RTTN: variants seen among roughly 807,000 people sequenced by gnomAD.
RTTN encodes rotatin.
In RTTN, 182 loss-of-function variants were observed where a neutral mutation model predicts 269.2. The observed-to-expected ratio is 0.68, with a 90% confidence interval of 0.60 to 0.76. The LOEUF (loss-of-function observed/expected upper bound fraction) is 0.76. Among genes scored for constraint, RTTN ranks in the 30% least tolerant of loss-of-function variants. The pLI is 0.00. For missense variants in RTTN, 2,545 were observed against 2,608.6 expected, an observed-to-expected ratio of 0.98 and a Z score of 0.53; for synonymous variants, 1,006 against 963.5, an observed-to-expected ratio of 1.04 and a Z score of -0.82.
rs2059919363 is a variant in RTTN, at chr18:70,128,408, A to G, written c.3093T>C (p.His1031=). 6.2e-7 allele frequency: 1 copy of G among 1,613,084 alleles called. No homozygotes were observed. Among genetic ancestry groups the G allele is most frequent in the Non-Finnish European group, 8.5e-7 (1 of 1,179,448 alleles). ...LRIAWNLSWY[H]GSDNLLKQMN... ...TTTGCTTCAACAGATTATCACTCCC[A>G]TGATACCATGACAGGTTCCAAGCTA... Residue 1031 remains histidine (H), a synonymous_variant, in exon 24 of 49, where the codon CAT becomes CAC. Coordinates refer to ENST00000640769, the MANE Select transcript of RTTN (RefSeq NM_173630.4).
At position 70,150,097 on chromosome 18, in the gene RTTN, AAC is replaced by A. The variant is rs762405595; in HGVS notation, c.2056-12_2056-11del. On this transcript the variant is annotated splice_polypyrimidine_tract_variant and intron_variant, in intron 15 of 48. Coordinates refer to ENST00000640769, the MANE Select transcript of RTTN (RefSeq NM_173630.4). ...TGGCAGCAGTGTTCACCTGCTCAAC[AAC>A]ACAGACCCGATAAACCAGTCAAATG... The A allele has an allele frequency of 1.4e-4, 218 of 1,569,586 alleles. No homozygotes were observed. The highest frequency in any genetic ancestry group is 1.8e-4 in the Non-Finnish European group (209 of 1,140,190).
At chr18:70,108,865 C>CA (rs59517628) in intron 28 of RTTN, among the ~76,000 whole-genome samples, 123,907 of 150,148 alleles carry the variant, frequency 0.83, 54,328 homozygotes, top group East Asian at 1. Context: ...TCTTAATTGA[C>CA]AAAAAAAAAC....
At chr18:70,183,936 G>A (rs1478008708) in intron 10 of RTTN, among the ~76,000 whole-genome samples, 1 of 152,094 alleles carries the variant, frequency 6.6e-6, no homozygotes, top group East Asian at 1.9e-4. Context: ...CCCAGCTAAT[G>A]TTACTAATTT....
At chr18:70,138,825 C>T (rs1204585810) in intron 21 of RTTN, 2 of 152,076 alleles carry the variant, frequency 1.3e-5, no homozygotes, top group African/African-American at 4.8e-5. Context: ...GAACATAAAT[C>T]TCACTTATCT....
intron 28 of RTTN, among the ~76,000 whole-genome samples, chr18:70,094,407 G>C (rs1029858556): frequency 6.6e-6 from 1 of 152,130 alleles, no homozygotes; most frequent in Non-Finnish European, 1.5e-5. Flanking sequence ...GTCGATTTTA[G>C]ATCTTTCCCC....
intron 28 of RTTN, among the ~76,000 whole-genome samples, chr18:70,104,256 A>G (rs922660254): frequency 7.2e-5 from 11 of 152,144 alleles, no homozygotes; most frequent in Non-Finnish European, 1.2e-4. Flanking sequence ...AATCACTGAT[A>G]CCCTTTCTTC....
Position 70,123,090 on chromosome 18 carries a change from G to A in RTTN, c.3384-1390C>T, listed in dbSNP as rs558709647. 8.5e-5 allele frequency among the ~76,000 whole-genome samples: 13 copies of A among 152,148 alleles called. No homozygotes were observed. In the East Asian group the frequency reaches 2.5e-3, roughly 29 times the overall value. Reference sequence around the variant, plus strand: ...GTTGAATATGGCATTTTAGTCTAGAGGAGAAATAATATATTCTGCAAGTGG... The same window carrying A: ...GTTGAATATGGCATTTTAGTCTAGAAGAGAAATAATATATTCTGCAAGTGG... On this transcript the variant is annotated intron_variant, in intron 25 of 48. Transcript: ENST00000640769.
chr18:70,152,116 T>C (rs1228801880), intron 14 of RTTN, among the ~76,000 whole-genome samples: 1 of 152,202 alleles, frequency 6.6e-6, no homozygotes, highest in Admixed American at 6.5e-5. Flanking sequence ...GCTCCCTCTG[T>C]TCCCAACTTC....
At chr18:70,070,402 T>C (rs954145810) in intron 34 of RTTN, among the ~76,000 whole-genome samples, 3 of 152,230 alleles carry the variant, frequency 2.0e-5, no homozygotes, top group Non-Finnish European at 2.9e-5. Flanking sequence ...GGGGTCACCA[T>C]GCTGGAGGTA....
At position 70,149,939 on chromosome 18, in the gene RTTN, T is replaced by C. The variant is rs1568466261; in HGVS notation, c.2172+32A>G. 3.6e-6 allele frequency: 5 copies of C among 1,376,922 alleles called. No individual in the cohort carries two copies. In the South Asian group the frequency reaches 5.8e-5, roughly 16 times the overall value. The allele number at this position is 1,376,922 out of a possible 1,614,324, so 85.3% of individuals were successfully genotyped here. On this transcript the variant is annotated intron_variant, in intron 16 of 48. Coordinates refer to ENST00000640769, the MANE Select transcript of RTTN (RefSeq NM_173630.4). Reference sequence around the variant, plus strand: ...TCAATCACACCCAGCCAAAGATAAATGGTATCATAAAAAGTGAATTTCACA... The same window carrying C: ...TCAATCACACCCAGCCAAAGATAAACGGTATCATAAAAAGTGAATTTCACA...
At chr18:70,187,980 G>C in intron 10 of RTTN, 128 bp downstream of exon 10, 1 of 623,642 alleles carries the variant, frequency 1.6e-6, no homozygotes, top group Non-Finnish European at 2.8e-6. Context: ...TATAACATAA[G>C]CCTGGGACAT....
chr18:70,205,016 G>T, intron 2 of RTTN, 112 bp downstream of exon 2: 1 of 1,023,882 alleles, frequency 9.8e-7, no homozygotes, highest in African/African-American at 1.6e-5. Context: ...ATCTCTGGTT[G>T]ATTAAAAAAA....
intron 40 of RTTN, among the ~76,000 whole-genome samples, chr18:70,039,732 A>G (rs915586703): frequency 1.3e-5 from 2 of 152,196 alleles, no homozygotes; most frequent in Admixed American, 6.5e-5. Flanking sequence ...TTATGAACCA[A>G]TCGAAAATAA....
At chr18:70,120,458 T>C (rs1347113857) in intron 26 of RTTN, among the ~76,000 whole-genome samples, 1 of 152,184 alleles carries the variant, frequency 6.6e-6, no homozygotes, top group Non-Finnish European at 1.5e-5. Context: ...TAATTCATAT[T>C]TTTACATAAA....
At chr18:70,066,847 T>C (rs1456131396) in intron 34 of RTTN, among the ~76,000 whole-genome samples, 1 of 152,208 alleles carries the variant, frequency 6.6e-6, no homozygotes, top group Non-Finnish European at 1.5e-5. Flanking sequence ...TAAGGTTATT[T>C]TCATTTGCAG....
rs773767593 is a variant in RTTN, at chr18:70,020,156, G to A, written c.6153+459C>T. Among the ~76,000 whole-genome samples, 33 of 152,126 alleles carry A rather than the reference G, an allele frequency of 2.2e-4. 1 individual carries two copies. The highest frequency in any genetic ancestry group is 4.1e-4 in the Non-Finnish European group (28 of 68,016). On this transcript the variant is annotated intron_variant, in intron 45 of 48. Coordinates refer to ENST00000640769, the MANE Select transcript of RTTN (RefSeq NM_173630.4). ...CTAGATTGGGAACTGGAATCCTAGA[G>A]AACTCATAAAATTGCTTAACATGCC... is the stretch of plus-strand genomic sequence containing the variant.
At chr18:70,021,527 C>G (rs1599135922) in intron 44 of RTTN, among the ~76,000 whole-genome samples, 2 of 152,150 alleles carry the variant, frequency 1.3e-5, no homozygotes, top group Admixed American at 1.3e-4. Flanking sequence ...GAATCAAATA[C>G]ATTCTGTAAA....
rs1234803554 is a variant in RTTN, at chr18:70,057,745, A to T, written c.5028T>A (p.Ala1676=). Residue 1676 remains alanine (A), a synonymous_variant, in exon 37 of 49, where the codon GCT becomes GCA. Coordinates refer to ENST00000640769, the MANE Select transcript of RTTN (RefSeq NM_173630.4). ...PSSPPAEHTQ[A]QVSFLLEYLS... ...CAAACAGACTTGAGATGCTTACCTG[A>T]GCCTGAGTGTGTTCAGCTGGAGGTG... is the stretch of plus-strand genomic sequence containing the variant. 6.2e-7 allele frequency: 1 copy of T among 1,613,104 alleles called. No homozygotes were observed. Among genetic ancestry groups the T allele is most frequent in the South Asian group, 1.1e-5 (1 of 90,992 alleles).
At chr18:70,203,540 C>G (rs886710441) in intron 3 of RTTN, among the ~76,000 whole-genome samples, 6 of 152,114 alleles carry the variant, frequency 3.9e-5, no homozygotes, top group African/African-American at 1.4e-4. Context: ...AAAACTGAAG[C>G]CTGGAAGGGT....
Sources: gnomAD v4.1 joint callset for allele counts (sites outside exome capture counted in the v4.1 genomes callset) on GRCh38, gnomAD v4.1.1 for gene constraint, MANE v1.5 for transcripts, NCBI Gene and HGNC (gene_info 2026-07-23, HGNC 2026-07-21) for gene names.